Variants in ARHGAP12 observed in about 807,000 individuals in gnomAD.
The protein encoded by ARHGAP12 is rho GTPase-activating protein 12.
ARHGAP12 carries 64 observed loss-of-function variants against 108.6 expected under a neutral mutation model. The observed-to-expected ratio is 0.59, with a 90% CI of 0.48 to 0.73. The LOEUF is 0.73. ARHGAP12 is among the 30% of genes least tolerant of loss of function. The pLI is 0.00. For synonymous variants in ARHGAP12, 312 were observed against 337.2 expected (o/e 0.93, Z 0.82); for missense variants, 940 against 1,005.9 (o/e 0.93, Z 0.89).
At chr10:31,812,672 C>A in intron 15 of ARHGAP12, 35 bp downstream of exon 15, 2 of 1,289,892 alleles carry the variant, frequency 1.6e-6, no homozygotes, top group Non-Finnish European at 2.2e-6. Context: ...CGTAGGCCAA[C>A]ATTCATTATT....
At chr10:31,928,612 C>CCCGGCG (rs1840174751) in intron 1 of ARHGAP12, 71 bp downstream of exon 1, 1 of 152,474 alleles carries the variant, frequency 6.6e-6, no homozygotes, top group African/African-American at 2.4e-5. Context: ...ACAGCCCGGC[C>CCCGGCG]CCGGCGCGCC....
chr10:31,885,653 T>C (rs1017829423), intron 3 of ARHGAP12, among the ~76,000 whole-genome samples: 10 of 151,854 alleles, frequency 6.6e-5, no homozygotes, highest in African/African-American at 2.4e-4. Flanking sequence ...ATCCCATCTC[T>C]ACTAAAAATA....
intron 3 of ARHGAP12, among the ~76,000 whole-genome samples, chr10:31,865,869 C>T (rs1837304750): frequency 1.5e-5 from 2 of 137,070 alleles, no homozygotes; most frequent in Non-Finnish European, 1.6e-5. Context: ...CTGAGCAAGA[C>T]TCCGTCTCAA....
intron 3 of ARHGAP12, among the ~76,000 whole-genome samples, chr10:31,864,699 C>T (rs1334538804): frequency 2.6e-5 from 4 of 152,176 alleles, no homozygotes; most frequent in Non-Finnish European, 5.9e-5. Flanking sequence ...AGAAAACATC[C>T]ACGCTTCTAG....
Position 31,824,920 on chromosome 10 carries a change from GAAGA to G in ARHGAP12, c.1530+1380_1530+1383del, listed in dbSNP as rs572535557. Among the ~76,000 whole-genome samples the G allele has an allele frequency of 7.2e-5, 11 of 152,186 alleles. No homozygotes were observed. The South Asian group carries it at 1.7e-3, about 23-fold the overall frequency. ...GAAATAAAAGTTGAGCCGTAAATAG[GAAGA>G]AAGAAACAATTACACAGTCCTCTAG... On this transcript the variant is annotated intron_variant, in intron 11 of 19. Coordinates refer to ENST00000344936, the MANE Select transcript of ARHGAP12 (RefSeq NM_018287.7).
At chr10:31,891,197 G>C (rs1301717052) in intron 3 of ARHGAP12, among the ~76,000 whole-genome samples, 5 of 152,132 alleles carry the variant, frequency 3.3e-5, no homozygotes, top group African/African-American at 1.2e-4. Flanking sequence ...ATCAATGTAA[G>C]ATTAGGCTTC....
intron 3 of ARHGAP12, among the ~76,000 whole-genome samples, chr10:31,874,702 A>G (rs1251587318): frequency 6.6e-6 from 1 of 152,118 alleles, no homozygotes; most frequent in Non-Finnish European, 1.5e-5. Flanking sequence ...GTCCAGGTGC[A>G]GTGGCTCATG....
intron 12 of ARHGAP12, among the ~76,000 whole-genome samples, chr10:31,819,331 T>C (rs1288147062): frequency 6.6e-6 from 1 of 152,074 alleles, no homozygotes; most frequent in Non-Finnish European, 1.5e-5. Flanking sequence ...TAAACCAATC[T>C]GTCTACACAA....
intron 3 of ARHGAP12, among the ~76,000 whole-genome samples, chr10:31,883,562 G>T (rs1337271816): frequency 6.6e-6 from 1 of 152,150 alleles, no homozygotes; most frequent in African/African-American, 2.4e-5. Context: ...AGAAACTACA[G>T]GAAATCTTTC....
At chr10:31,817,695 A>G in intron 13 of ARHGAP12, 93 bp downstream of exon 13, 1 of 808,912 alleles carries the variant, frequency 1.2e-6, no homozygotes, top group South Asian at 1.8e-5. Context: ...GCCTTTTCAC[A>G]TATAGATTGC....
At chr10:31,915,954 T>C (rs182114500) in intron 1 of ARHGAP12, among the ~76,000 whole-genome samples, 2 of 152,352 alleles carry the variant, frequency 1.3e-5, no homozygotes, top group African/African-American at 4.8e-5. Context: ...AACAAACGTT[T>C]ACAGTTTTAA....
chr10:31,899,233 C>T (rs188137268), intron 3 of ARHGAP12, among the ~76,000 whole-genome samples: 3 of 152,224 alleles, frequency 2.0e-5, no homozygotes, highest in African/African-American at 4.8e-5. Context: ...TGAACGTTAT[C>T]GAAAACAGTC....
At chr10:31,884,131 T>G (rs1042952901) in intron 3 of ARHGAP12, among the ~76,000 whole-genome samples, 3 of 151,176 alleles carry the variant, frequency 2.0e-5, no homozygotes, top group African/African-American at 7.3e-5. Context: ...ATTCTACGTA[T>G]GGTTAAAAGA....
chr10:31,908,115 T>G, intron 3 of ARHGAP12, 57 bp downstream of exon 3: 2 of 1,449,624 alleles, frequency 1.4e-6, no homozygotes, highest in Non-Finnish European at 1.9e-6. Context: ...ATTAAAACTA[T>G]AACTAATATT....
At chr10:31,880,897 CA>C (rs139344366) in intron 3 of ARHGAP12, among the ~76,000 whole-genome samples, 32,751 of 133,768 alleles carry the variant, frequency 0.24, 3,666 homozygotes, top group East Asian at 0.4. Context: ...TTGACTCTAC[CA>C]AAAAAAAAAA....
intron 11 of ARHGAP12, among the ~76,000 whole-genome samples, 155 bp downstream of exon 11, chr10:31,826,149 A>G (rs986646326): frequency 2.6e-5 from 4 of 152,160 alleles, no homozygotes; most frequent in South Asian, 2.1e-4. Context: ...TTTTTCTCTC[A>G]TAAGTTAAAA....
Position 31,810,572 on chromosome 10 carries a change from A to G in ARHGAP12, c.2050+77T>C. ...GTTTGCATCACTCAAAATCATAAAA[A>G]TTCTAGGAATTTTGATGGCAAAACA... On this transcript the variant is annotated intron_variant, in intron 16 of 19. Coordinates refer to ENST00000344936, the MANE Select transcript of ARHGAP12 (RefSeq NM_018287.7). 4 of 1,021,874 alleles carry G rather than the reference A, an allele frequency of 3.9e-6. No homozygotes were observed. The South Asian group carries it at 4.9e-5, about 13-fold the overall frequency. The allele number at this position is 1,021,874 out of a possible 1,614,324, so 63.3% of individuals were successfully genotyped here.
At chr10:31,871,923 A>G (rs1198961687) in intron 3 of ARHGAP12, among the ~76,000 whole-genome samples, 1 of 152,186 alleles carries the variant, frequency 6.6e-6, no homozygotes, top group Non-Finnish European at 1.5e-5. Flanking sequence ...TTCAAGATAG[A>G]GCCCACATCT....
chr10:31,912,912 GA>G (rs1839408412), intron 1 of ARHGAP12, among the ~76,000 whole-genome samples: 1 of 152,124 alleles, frequency 6.6e-6, no homozygotes, highest in African/African-American at 2.4e-5. Context: ...CAGAAACAAT[GA>G]AAATATTAAC....
Sources: gnomAD v4.1 joint callset for allele counts (sites outside exome capture counted in the v4.1 genomes callset) on GRCh38, gnomAD v4.1.1 for gene constraint, MANE v1.5 for transcripts, NCBI Gene and HGNC (gene_info 2026-07-23, HGNC 2026-07-21) for gene names.